Variants in TEX36 observed in about 807,000 individuals in gnomAD.
The protein encoded by TEX36 is testis-expressed protein 36.
Under a neutral mutation model 13.6 loss-of-function variants are expected in TEX36, and 12 were observed. That is an observed-to-expected ratio of 0.88 (90% CI 0.56 to 1.43). TEX36 has a LOEUF of 1.43. Ranked by LOEUF, TEX36 falls within the 40% of genes most tolerant of loss-of-function variation. The pLI, the probability that TEX36 is intolerant of heterozygous loss-of-function variation, is 0.00. For synonymous variants in TEX36, 93 were observed against 83.0 expected (o/e 1.12, Z -0.65); for missense variants, 224 against 228.3 (o/e 0.98, Z 0.12).
downstream of TEX36, among the ~76,000 whole-genome samples, chr10:125,617,655 T>C (rs560508448): frequency 6.6e-6 from 1 of 152,240 alleles, no homozygotes; most frequent in African/African-American, 2.4e-5. Context: ...CCCAGAGATC[T>C]GCTGTTAGTC....
At chr10:125,680,961 G>A (rs1197547714) in intron 1 of TEX36, among the ~76,000 whole-genome samples, 1 of 152,140 alleles carries the variant, frequency 6.6e-6, no homozygotes, top group Non-Finnish European at 1.5e-5. Context: ...GCAGCCATGT[G>A]GTTGGTTAAA....
chr10:125,613,450 T>G (rs1353397490), intron 3 of TEX36, among the ~76,000 whole-genome samples: 1 of 84,628 alleles, frequency 1.2e-5, no homozygotes, highest in Non-Finnish European at 2.0e-5. Flanking sequence ...CCCACAACAG[T>G]CCTCAGAGTG....
Position 125,642,308 on chromosome 10 carries a change from G to C in TEX36, c.264+18713C>G, listed in dbSNP as rs566170879. On this transcript the variant is annotated intron_variant, in intron 3 of 3. Coordinates refer to the TEX36 transcript ENST00000526819. The stretch of plus-strand genomic sequence containing the variant: ...CATGTAACCCGTGTGTCAGATATGA[G>C]CTTGAGAGTTATGCCCATTGCAAGC... Among the ~76,000 whole-genome samples the C allele has an allele frequency of 5.3e-5, 8 of 152,296 alleles. No individual in the cohort carries two copies. The East Asian group carries it at 1.4e-3, about 26-fold the overall frequency.
intron 3 of TEX36, among the ~76,000 whole-genome samples, chr10:125,603,818 G>A (rs984019815): frequency 6.6e-5 from 10 of 151,920 alleles, no homozygotes; most frequent in African/African-American, 9.7e-5. Context: ...CCCCTCCACC[G>A]GAACACAGGA....
chr10:125,589,950 T>C (rs1435736594), intron 3 of TEX36, among the ~76,000 whole-genome samples: 3 of 152,228 alleles, frequency 2.0e-5, no homozygotes, highest in African/African-American at 7.2e-5. Flanking sequence ...TCTTCATCTT[T>C]GAGCATCATT....
At chr10:125,679,914 A>C (rs1398905160) in intron 1 of TEX36, among the ~76,000 whole-genome samples, 1 of 152,168 alleles carries the variant, frequency 6.6e-6, no homozygotes, top group East Asian at 1.9e-4. Context: ...CCAACCCCAG[A>C]TAACAATATT....
rs896411936 is a variant in TEX36 at position 125,588,113 on chromosome 10, G to C, written c.265-11239C>G. On this transcript the variant is annotated intron_variant, in intron 3 of 3. Transcript: ENST00000532135. ...TAAATATATCACTTCATGCACATGT[G>C]AGTATATCTCTAGGATAAACTCTTA... is the stretch of plus-strand genomic sequence containing the variant. 1.3e-5 allele frequency among the ~76,000 whole-genome samples: 2 copies of C among 152,226 alleles called. 1 individual carries two copies. The highest frequency in any genetic ancestry group is 1.3e-4 in the Admixed American group (2 of 15,284).
intron 3 of TEX36, among the ~76,000 whole-genome samples, chr10:125,607,809 G>T (rs1324904286): frequency 6.6e-6 from 1 of 152,072 alleles, no homozygotes; most frequent in Non-Finnish European, 1.5e-5. Flanking sequence ...GCAATGAGCT[G>T]AACCGCCTCC....
chr10:125,667,920 C>A, intron 1 of TEX36: 1 of 1,300,376 alleles, frequency 7.7e-7, no homozygotes, highest in Non-Finnish European at 1.1e-6. Context: ...TTCTTCTGCT[C>A]CAGGGTCAAT....
intron 1 of TEX36, chr10:125,667,336 C>G: frequency 7.8e-6 from 5 of 642,590 alleles, no homozygotes; most frequent in Admixed American, 1.8e-5. Context: ...CCTTCTTGGT[C>G]ACACACTGGC....
At chr10:125,611,537 A>G (rs1433734051) in intron 3 of TEX36, among the ~76,000 whole-genome samples, 2 of 152,192 alleles carry the variant, frequency 1.3e-5, no homozygotes, top group African/African-American at 4.8e-5. Context: ...GTCCAGTTCT[A>G]AGCCCGTTTT....
At chr10:125,664,751 T>A (rs900843128) in intron 1 of TEX36, among the ~76,000 whole-genome samples, 2 of 152,226 alleles carry the variant, frequency 1.3e-5, no homozygotes, top group African/African-American at 4.8e-5. Flanking sequence ...CTTTTCTTTA[T>A]AAATTACCAG....
chr10:125,645,661 T>C (rs1328287741), intron 3 of TEX36, among the ~76,000 whole-genome samples: 1 of 152,226 alleles, frequency 6.6e-6, no homozygotes, highest in African/African-American at 2.4e-5. Context: ...AATGGACTAA[T>C]ATGCACAGCA....
intron 3 of TEX36, among the ~76,000 whole-genome samples, chr10:125,592,252 G>C (rs1166268873): frequency 6.6e-6 from 1 of 152,114 alleles, no homozygotes; most frequent in Non-Finnish European, 1.5e-5. Context: ...AAGCGAGGCT[G>C]GGGGTGGCAA....
At chr10:125,675,642 C>A (rs995264104) in intron 1 of TEX36, among the ~76,000 whole-genome samples, 5 of 152,128 alleles carry the variant, frequency 3.3e-5, no homozygotes, top group African/African-American at 9.7e-5. Flanking sequence ...GGGGTGGGAA[C>A]TCAACCCCAT....
rs188254725 is a variant in TEX36, at chr10:125,596,856, G to A, written c.265-19982C>T. 9.2e-3 allele frequency among the ~76,000 whole-genome samples: 1,399 copies of A among 152,308 alleles called. 9 individuals carry two copies. The highest frequency in any genetic ancestry group is 0.034 in the Middle Eastern group (10 of 292). On this transcript the variant is annotated intron_variant, in intron 3 of 3. Coordinates refer to the TEX36 transcript ENST00000532135. ...ATATAACAGATAACCTGGGACTCTG[G>A]ATTCAGAAATTCCTGGCTGGGAATC...
chr10:125,617,307 G>C (rs1589756544), downstream of TEX36, among the ~76,000 whole-genome samples: 1 of 151,060 alleles, frequency 6.6e-6, no homozygotes, highest in Non-Finnish European at 1.5e-5. Context: ...ATATTGTTAT[G>C]TATGAATTTG....
At chr10:125,612,055 CCTTTT>C (rs1164463487) in intron 3 of TEX36, among the ~76,000 whole-genome samples, 9 of 151,468 alleles carry the variant, frequency 5.9e-5, no homozygotes, top group South Asian at 2.1e-4. Flanking sequence ...TTTTCCACTC[CCTTTT>C]CTTTTCTTTT....
chr10:125,578,992 T>C (rs1845856172), intron 3 of TEX36, among the ~76,000 whole-genome samples: 1 of 152,212 alleles, frequency 6.6e-6, no homozygotes, highest in Admixed American at 6.5e-5. Context: ...CCTCAGGGCC[T>C]TGGCACATGC....
Sources: allele counts gnomAD v4.1 joint callset (sites outside exome capture counted in the v4.1 genomes callset), GRCh38; gene constraint gnomAD v4.1.1; transcripts MANE v1.5; gene names NCBI Gene and HGNC (gene_info 2026-07-23, HGNC 2026-07-21).